The following MAGI1 variants were observed in gnomAD, a reference collection of about 807,000 sequenced individuals.
MAGI1 encodes the protein membrane associated guanylate kinase, WW and PDZ domain containing 1, also known as membrane-associated guanylate kinase, WW and PDZ domain-containing protein 1.
A neutral mutation model predicts 139.9 loss-of-function variants in MAGI1; 58 were observed. The observed-to-expected ratio is 0.41, with a 90% CI of 0.34 to 0.52. The LOEUF (loss-of-function observed/expected upper bound fraction) is 0.52, where lower values mean the gene tolerates loss of function less well. MAGI1 is among the 20% of genes least tolerant of loss of function. The pLI, the probability that MAGI1 is intolerant of heterozygous loss-of-function variation, is 0.12. For missense variants in MAGI1, 1,874 were observed against 1,901.6 expected, an observed-to-expected ratio of 0.99 and a Z score of 0.27; for synonymous variants, 812 against 737.9, an observed-to-expected ratio of 1.10 and a Z score of -1.63.
At chr3:65,900,079 A>G (rs1465898503) in intron 1 of MAGI1, among the ~76,000 whole-genome samples, 1 of 152,172 alleles carries the variant, frequency 6.6e-6, no homozygotes, top group African/African-American at 2.4e-5. Context: ...CCATGATTAC[A>G]ATTACCTGGA....
chr3:65,637,796 C>T (rs566574603), intron 1 of MAGI1, among the ~76,000 whole-genome samples: 7 of 152,298 alleles, frequency 4.6e-5, no homozygotes, highest in African/African-American at 1.7e-4. Context: ...AAAGACACTG[C>T]TCCATCAGTG....
At chr3:65,552,634 C>T (rs1435771674) in intron 2 of MAGI1, among the ~76,000 whole-genome samples, 1 of 152,246 alleles carries the variant, frequency 6.6e-6, no homozygotes, top group East Asian at 1.9e-4. Context: ...TTTTGTCTGT[C>T]TCCACTCATA....
At chr3:65,749,803 A>G (rs956087564) in intron 1 of MAGI1, among the ~76,000 whole-genome samples, 2 of 152,248 alleles carry the variant, frequency 1.3e-5, no homozygotes, top group Middle Eastern at 6.8e-3. Flanking sequence ...GCTGAATCAA[A>G]TGCTGACCAA....
chr3:66,019,711 G>A (rs1029540748), intron 1 of MAGI1, among the ~76,000 whole-genome samples: 4 of 152,062 alleles, frequency 2.6e-5, no homozygotes, highest in South Asian at 2.1e-4. Context: ...TTAACTCATC[G>A]GGTCAAGTTA....
chr3:65,375,694 CAGAG>C (rs202007900), intron 18 of MAGI1, 47 bp downstream of exon 18: 52,314 of 1,388,836 alleles, frequency 0.038, 804 homozygotes, highest in Non-Finnish European at 0.044. Flanking sequence ...AAGACAGAGA[CAGAG>C]AGAGAGAAAA....
At chr3:65,999,685 A>G (rs1050275068) in intron 1 of MAGI1, among the ~76,000 whole-genome samples, 12 of 151,942 alleles carry the variant, frequency 7.9e-5, no homozygotes, top group African/African-American at 2.2e-4. Flanking sequence ...CTGATTGCTA[A>G]GTTCCCTTTT....
intron 13 of MAGI1, among the ~76,000 whole-genome samples, chr3:65,398,589 T>G (rs1475590933): frequency 6.6e-6 from 1 of 152,124 alleles, no homozygotes; most frequent in Admixed American, 6.5e-5. Flanking sequence ...CAGGGTTTGG[T>G]GTGATATTTA....
At chr3:66,030,088 T>C (rs1469695186) in intron 1 of MAGI1, among the ~76,000 whole-genome samples, 1 of 152,126 alleles carries the variant, frequency 6.6e-6, no homozygotes, top group Non-Finnish European at 1.5e-5. Context: ...CTCCCCTTCT[T>C]GACAAGAAAC....
intron 12 of MAGI1, among the ~76,000 whole-genome samples, chr3:65,405,162 G>A (rs1333628967): frequency 1.3e-5 from 2 of 152,318 alleles, no homozygotes; most frequent in Admixed American, 6.5e-5. Flanking sequence ...AGTGTGATCT[G>A]CAGGAGCGAG....
rs73833335 is a variant in MAGI1 at position 66,006,000 on chromosome 3, T to C, written c.313+31996A>G. Among the ~76,000 whole-genome samples the C allele has an allele frequency of 9.4e-3, 1,428 of 152,274 alleles. 32 individuals are homozygous for C. Among genetic ancestry groups the C allele is most frequent in the African/African-American group, 0.027 (1,126 of 41,544 alleles). ...GTCACTTCAAAACTCTGGATTTACTTGGGTTATGTTGAGCTGATAAAAAAT... is the reference window on the plus strand; with the variant it reads ...GTCACTTCAAAACTCTGGATTTACTCGGGTTATGTTGAGCTGATAAAAAAT... On this transcript the variant is annotated intron_variant, in intron 1 of 22. Coordinates refer to ENST00000402939, the MANE Select transcript of MAGI1 (RefSeq NM_001033057.2).
chr3:65,967,551 A>T (rs985594867), intron 1 of MAGI1, among the ~76,000 whole-genome samples: 1 of 152,212 alleles, frequency 6.6e-6, no homozygotes, highest in Non-Finnish European at 1.5e-5. Context: ...AAACAGAGAG[A>T]AGCAGATGGG....
intron 3 of MAGI1, 84 bp from the exon 4 acceptor site, chr3:65,478,882 C>T (rs1352358814): frequency 1.2e-5 from 12 of 1,019,370 alleles, no homozygotes; most frequent in African/African-American, 1.6e-5. Context: ...AATCTCTAGG[C>T]ACATTAAAAA....
At chr3:65,969,123 T>G (rs926049995) in intron 1 of MAGI1, among the ~76,000 whole-genome samples, 3 of 152,180 alleles carry the variant, frequency 2.0e-5, no homozygotes, top group South Asian at 2.1e-4. Context: ...AAGGGAAGAA[T>G]TGAGGCTGGT....
chr3:65,364,993 C>T (rs58807705), intron 18 of MAGI1, 47 bp from the exon 19 acceptor site: 46,448 of 1,502,318 alleles, frequency 0.031, 4,960 homozygotes, highest in East Asian at 0.29. Flanking sequence ...CCAGAGAAGA[C>T]ATCCTCCAGC....
At chr3:65,879,744 A>G (rs780130177) in intron 1 of MAGI1, among the ~76,000 whole-genome samples, 2 of 152,226 alleles carry the variant, frequency 1.3e-5, no homozygotes, top group Non-Finnish European at 2.9e-5. Flanking sequence ...TTATCATTTC[A>G]TGATGGTTAT....
intron 1 of MAGI1, among the ~76,000 whole-genome samples, chr3:65,900,653 G>C (rs759982634): frequency 6.6e-6 from 1 of 152,276 alleles, no homozygotes; most frequent in Non-Finnish European, 1.5e-5. Flanking sequence ...CAACTGTGGT[G>C]AACACCACCA....
intron 1 of MAGI1, among the ~76,000 whole-genome samples, chr3:65,933,572 C>T (rs549856474): frequency 1.3e-5 from 2 of 152,256 alleles, no homozygotes; most frequent in South Asian, 2.1e-4. Flanking sequence ...ATACTGTTGG[C>T]TTGAATGTCA....
intron 1 of MAGI1, among the ~76,000 whole-genome samples, chr3:66,016,604 G>A: frequency 6.6e-6 from 1 of 152,176 alleles, no homozygotes; most frequent in East Asian, 1.9e-4. Context: ...TGGTGCTCCG[G>A]AGAGACCCAG....
intron 2 of MAGI1, among the ~76,000 whole-genome samples, chr3:65,598,547 T>C (rs533044643): frequency 7.9e-5 from 12 of 152,318 alleles, no homozygotes; most frequent in Admixed American, 3.3e-4. Flanking sequence ...TTTGAAATAA[T>C]TGTCTTCCTT....
Sources: allele counts gnomAD v4.1 joint callset (sites outside exome capture counted in the v4.1 genomes callset), GRCh38; gene constraint gnomAD v4.1.1; transcripts MANE v1.5; gene names NCBI Gene and HGNC (gene_info 2026-07-23, HGNC 2026-07-21).